Variants in RBKS observed in about 807,000 individuals in gnomAD.
RBKS encodes the protein ribokinase.
RBKS carries 33 observed loss-of-function variants against 33.9 expected under a neutral mutation model. The ratio of observed to expected loss-of-function variants is 0.97; its 90% confidence interval spans 0.74 to 1.30. The LOEUF is 1.30. Among genes scored for constraint, RBKS ranks in the 50% most tolerant of loss-of-function variants. The pLI is 0.00. For missense variants in RBKS, 361 were observed against 392.6 expected (o/e 0.92, Z 0.68); for synonymous variants, 125 against 143.0 (o/e 0.87, Z 0.90).
At chr2:27,838,612 C>T (rs1407192812) in intron 5 of RBKS, among the ~76,000 whole-genome samples, 1 of 152,188 alleles carries the variant, frequency 6.6e-6, no homozygotes, top group Non-Finnish European at 1.5e-5. Context: ...GCATTCTTCT[C>T]AGCTTGTGCT....
At chr2:27,830,675 C>T (rs1248668172) in intron 6 of RBKS, among the ~76,000 whole-genome samples, 1 of 151,890 alleles carries the variant, frequency 6.6e-6, no homozygotes, top group Non-Finnish European at 1.5e-5. Context: ...TTACTAAGTG[C>T]CAGCTATGTG....
intron 1 of RBKS, chr2:27,870,709 G>C: frequency 2.2e-6 from 1 of 450,252 alleles, no homozygotes; most frequent in Admixed American, 2.4e-5. Context: ...CAACCTCTTT[G>C]ATGTGAGTAG....
At chr2:27,838,765 T>C (rs1663379695) in intron 5 of RBKS, among the ~76,000 whole-genome samples, 1 of 152,254 alleles carries the variant, frequency 6.6e-6, no homozygotes, top group Non-Finnish European at 1.5e-5. Context: ...GAACACAGAC[T>C]GTACCATGGA....
intron 1 of RBKS, among the ~76,000 whole-genome samples, chr2:27,882,310 A>G (rs1246510155): frequency 6.6e-6 from 1 of 152,252 alleles, no homozygotes; most frequent in Non-Finnish European, 1.5e-5. Context: ...TTTATTTGCA[A>G]TAAGCATATC....
chr2:27,879,722 C>T (rs1664382475), intron 1 of RBKS, among the ~76,000 whole-genome samples: 1 of 152,098 alleles, frequency 6.6e-6, no homozygotes, highest in Admixed American at 6.6e-5. Context: ...TCTATGCACA[C>T]AAACTAGAAA....
rs928780563 is a variant in RBKS, at chr2:27,795,721, C to G, written c.796-13933G>C. 6.6e-6 allele frequency among the ~76,000 whole-genome samples: 1 copy of G among 152,080 alleles called. No homozygotes were observed. The highest frequency in any genetic ancestry group is 1.5e-5 in the Non-Finnish European group (1 of 68,024). On this transcript the variant is annotated intron_variant, in intron 7 of 7. Transcript: ENST00000302188. This position sits in a 1 kb window ranked among gnomAD's most constrained non-coding sequence, Gnocchi z 4.1. ...GTGATTCCGCTCCCATCCTGTTTCA[C>G]CACCCAGTGAAGGTTTGGGGCAAGC... is the stretch of plus-strand genomic sequence containing the variant.
In RBKS at chr2:27,878,112, T is replaced by C. The variant is rs535384418; in HGVS notation, c.89+12145A>G. Among the ~76,000 whole-genome samples, 1,368 of 152,030 alleles carry C rather than the reference T, an allele frequency of 9.0e-3. 23 individuals carry two copies. The highest frequency in any genetic ancestry group is 0.031 in the African/African-American group (1,274 of 41,460). ...TAGTTACATATGTATACATGTGCCA[T>C]GCTGGTGTGCTGCACCCATTAACTC... On this transcript the variant is annotated intron_variant, in intron 1 of 7. Coordinates refer to ENST00000302188, the MANE Select transcript of RBKS (RefSeq NM_022128.3).
intron 1 of RBKS, among the ~76,000 whole-genome samples, chr2:27,871,896 T>TGCTA (rs1370374641): frequency 6.6e-6 from 1 of 152,254 alleles, no homozygotes; most frequent in African/African-American, 2.4e-5. Flanking sequence ...TGCTCCTCAA[T>TGCTA]GCTAGCATCA....
chr2:27,866,303 AT>A (rs1315116036), intron 1 of RBKS, among the ~76,000 whole-genome samples: 3 of 152,052 alleles, frequency 2.0e-5, no homozygotes, highest in Non-Finnish European at 2.9e-5. Context: ...TCTATATGTA[AT>A]GTGTACCTTT....
chr2:27,837,964 T>C lies in RBKS; in HGVS notation c.514+5103A>G, dbSNP rs12992890. Among the ~76,000 whole-genome samples the C allele has an allele frequency of 0.33, 50,483 of 151,726 alleles. 9,947 individuals carry two copies. Among genetic ancestry groups the C allele is most frequent in the East Asian group, 0.63 (3,251 of 5,156 alleles). ...CCTGTAATCCCAGTACTTTGGGAGG[T>C]TGAGGCAGGTGGATCACCTGAGGTA... On this transcript the variant is annotated intron_variant, in intron 5 of 7. Transcript: ENST00000302188. This position sits in a 1 kb window ranked among gnomAD's most constrained non-coding sequence, Gnocchi z 4.0.
intron 7 of RBKS, among the ~76,000 whole-genome samples, chr2:27,806,580 G>A (rs1478276746): frequency 6.6e-6 from 1 of 152,204 alleles, no homozygotes; most frequent in Non-Finnish European, 1.5e-5. Flanking sequence ...AAGGTCAAAT[G>A]GCTAGGTGAT....
chr2:27,804,455 G>A (rs1677858934), intron 7 of RBKS, among the ~76,000 whole-genome samples: 1 of 152,100 alleles, frequency 6.6e-6, no homozygotes, highest in African/African-American at 2.4e-5. Flanking sequence ...ACATTTTTGA[G>A]CAAAATCATT....
intron 1 of RBKS, among the ~76,000 whole-genome samples, chr2:27,879,884 A>G (rs572069053): frequency 1.3e-5 from 2 of 152,320 alleles, no homozygotes; most frequent in South Asian, 2.1e-4. Context: ...GGAGCAGATG[A>G]ATTCACAGCC....
intron 7 of RBKS, among the ~76,000 whole-genome samples, chr2:27,811,655 C>T (rs1558538922): frequency 6.6e-6 from 1 of 152,214 alleles, no homozygotes; most frequent in South Asian, 2.1e-4. Flanking sequence ...ACAAGATACT[C>T]AGAACTCTGG....
intron 7 of RBKS, among the ~76,000 whole-genome samples, chr2:27,816,115 C>T (rs758611565): frequency 1.8e-4 from 28 of 152,124 alleles, no homozygotes; most frequent in Non-Finnish European, 4.0e-4. Flanking sequence ...TAGATTTGGC[C>T]CTGGTTCAAT....
chr2:27,825,625 G>A (rs1353302442), intron 7 of RBKS, among the ~76,000 whole-genome samples: 1 of 152,202 alleles, frequency 6.6e-6, no homozygotes, highest in Non-Finnish European at 1.5e-5. Context: ...GACACAGCGT[G>A]GGTAGGGAGT....
intron 5 of RBKS, among the ~76,000 whole-genome samples, chr2:27,840,064 G>T (rs1044070767): frequency 1.2e-4 from 17 of 144,968 alleles, no homozygotes. Context: ...CTGTCACCCA[G>T]GCTGGAGTGG....
At chr2:27,836,496 C>A (rs1275081158) in intron 5 of RBKS, among the ~76,000 whole-genome samples, 5 of 152,104 alleles carry the variant, frequency 3.3e-5, no homozygotes, top group African/African-American at 1.2e-4. Flanking sequence ...AAAATTAACT[C>A]AAGATGGATT....
At chr2:27,807,267 T>G (rs533406215) in intron 7 of RBKS, among the ~76,000 whole-genome samples, 8 of 152,338 alleles carry the variant, frequency 5.3e-5, no homozygotes, top group Non-Finnish European at 1.2e-4. Context: ...AACCTTTTAT[T>G]CTCAGCTTAG....
Sources: gnomAD v4.1 joint callset for allele counts (sites outside exome capture counted in the v4.1 genomes callset) on GRCh38, gnomAD v4.1.1 for gene constraint, Gnocchi (gnomAD v3.1) non-coding constraint, MANE v1.5 for transcripts, NCBI Gene and HGNC (gene_info 2026-07-23, HGNC 2026-07-21) for gene names.